AGBL1: variants seen among roughly 807,000 people sequenced by gnomAD.
The protein encoded by AGBL1 is AGBL carboxypeptidase 1.
Under a neutral mutation model 118.9 loss-of-function variants are expected in AGBL1, and 130 were observed. The observed-to-expected ratio is 1.09, with a 90% CI of 0.95 to 1.26. The LOEUF is 1.26. Among genes scored for constraint, AGBL1 ranks in the 50% most tolerant of loss-of-function variants. The pLI is 0.00. For synonymous variants in AGBL1, 555 were observed against 478.9 expected, an observed-to-expected ratio of 1.16 and a Z score of -2.08; for missense variants, 1,584 against 1,298.1, an observed-to-expected ratio of 1.22 and a Z score of -3.38.
intron 18 of AGBL1, among the ~76,000 whole-genome samples, chr15:86,412,893 T>C (rs186398492): frequency 1.3e-5 from 2 of 152,204 alleles, no homozygotes; most frequent in African/African-American, 4.8e-5. Flanking sequence ...TATCTTTTAA[T>C]TCTCACACAA....
intron 17 of AGBL1, among the ~76,000 whole-genome samples, chr15:86,346,967 G>A (rs894302006): frequency 2.6e-5 from 4 of 152,150 alleles, no homozygotes; most frequent in Admixed American, 6.5e-5. Flanking sequence ...CTGATGCTTC[G>A]TTTACACAAT....
chr15:86,427,188 G>T (rs184045236), intron 18 of AGBL1, among the ~76,000 whole-genome samples: 11 of 152,176 alleles, frequency 7.2e-5, no homozygotes, highest in Non-Finnish European at 1.5e-4. Flanking sequence ...CTGCATAAAA[G>T]TATTTTTTAT....
chr15:86,579,406 CTG>C (rs1370260795), intron 21 of AGBL1, among the ~76,000 whole-genome samples: 1 of 152,130 alleles, frequency 6.6e-6, no homozygotes, highest in African/African-American at 2.4e-5. Flanking sequence ...TGAATTATGA[CTG>C]TTAAAAACGT....
At chr15:86,987,979 C>T in intron 23 of AGBL1, 1 of 1,612,652 alleles carries the variant, frequency 6.2e-7, no homozygotes, top group Non-Finnish European at 8.5e-7. Context: ...TTTATCTGAA[C>T]ATTACAGATT....
At chr15:86,156,517 A>T (rs370168187) in intron 4 of AGBL1, among the ~76,000 whole-genome samples, 1 of 152,266 alleles carries the variant, frequency 6.6e-6, no homozygotes, top group South Asian at 2.1e-4. Context: ...TAGGGCTTCA[A>T]TGTATGAATT....
intron 21 of AGBL1, among the ~76,000 whole-genome samples, chr15:86,555,847 T>A (rs1017659053): frequency 6.6e-6 from 1 of 152,204 alleles, no homozygotes; most frequent in African/African-American, 2.4e-5. Context: ...GTGAATATAC[T>A]TGGAGGTTAT....
intron 6 of AGBL1, among the ~76,000 whole-genome samples, chr15:86,231,790 G>A (rs1463445128): frequency 2.0e-5 from 3 of 152,102 alleles, no homozygotes; most frequent in Non-Finnish European, 2.9e-5. Flanking sequence ...CTGAACCGAG[G>A]AAATTAATGA....
intron 22 of AGBL1, among the ~76,000 whole-genome samples, chr15:86,818,086 TTGTG>T (rs1403560224): frequency 6.6e-6 from 1 of 151,416 alleles, no homozygotes; most frequent in Non-Finnish European, 1.5e-5. Flanking sequence ...TAAGGCAAGT[TTGTG>T]TGTGCGTGTG....
intron 21 of AGBL1, among the ~76,000 whole-genome samples, chr15:86,567,911 A>T (rs1402275436): frequency 6.6e-6 from 1 of 152,054 alleles, no homozygotes; most frequent in Non-Finnish European, 1.5e-5. Context: ...TTACTGAGAG[A>T]CTGAGGCAGG....
chr15:86,159,677 CTATCATTTATG>C, intron 5 of AGBL1, among the ~76,000 whole-genome samples: 1 of 152,000 alleles, frequency 6.6e-6, no homozygotes, highest in Non-Finnish European at 1.5e-5. Flanking sequence ...CTATTAAGAT[CTATCATTTATG>C]GGAGTGACTC....
chr15:86,408,282 T>G (rs899656084), intron 18 of AGBL1, among the ~76,000 whole-genome samples: 1 of 152,030 alleles, frequency 6.6e-6, no homozygotes, highest in Non-Finnish European at 1.5e-5. Context: ...GATGGGGGAG[T>G]AAAATTCCCC....
intron 18 of AGBL1, among the ~76,000 whole-genome samples, chr15:86,471,814 C>A (rs2082483193): frequency 6.6e-6 from 1 of 152,036 alleles, no homozygotes; most frequent in South Asian, 2.1e-4. Flanking sequence ...GAATGGTGAC[C>A]TCCAAAAAGA....
intron 18 of AGBL1, among the ~76,000 whole-genome samples, chr15:86,449,804 G>A (rs760699536): frequency 9.9e-5 from 15 of 152,162 alleles, no homozygotes; most frequent in Admixed American, 2.0e-4. Context: ...GCCTGTGAGT[G>A]GAGTGACTGA....
At chr15:86,874,432 T>G (rs902150292) in intron 22 of AGBL1, among the ~76,000 whole-genome samples, 3 of 150,010 alleles carry the variant, frequency 2.0e-5, no homozygotes, top group African/African-American at 7.3e-5. Flanking sequence ...AACCTATGCA[T>G]AATAAATACT....
intron 22 of AGBL1, among the ~76,000 whole-genome samples, chr15:86,696,993 T>C (rs912389773): frequency 6.6e-6 from 1 of 151,920 alleles, no homozygotes. Flanking sequence ...TTTTTTTTAA[T>C]AGGTTACCTT....
chr15:86,481,089 A>G (rs928651100), intron 18 of AGBL1, among the ~76,000 whole-genome samples: 15 of 151,194 alleles, frequency 9.9e-5, no homozygotes, highest in African/African-American at 3.6e-4. Flanking sequence ...AATCTTTCCC[A>G]TGAAATGCAA....
intron 24 of AGBL1, among the ~76,000 whole-genome samples, chr15:87,001,241 C>G (rs183372782): frequency 6.6e-6 from 1 of 151,156 alleles, no homozygotes; most frequent in Non-Finnish European, 1.5e-5. Flanking sequence ...GCCTCATTGC[C>G]CTGGCCAGAA....
At chr15:86,209,750 G>A (rs1038753303) in intron 5 of AGBL1, among the ~76,000 whole-genome samples, 4 of 152,030 alleles carry the variant, frequency 2.6e-5, no homozygotes, top group African/African-American at 9.7e-5. Flanking sequence ...CACATTGATA[G>A]GTCTTGACTC....
At chr15:86,161,077 A>T (rs1210822131) in intron 5 of AGBL1, among the ~76,000 whole-genome samples, 1 of 152,224 alleles carries the variant, frequency 6.6e-6, no homozygotes, top group Non-Finnish European at 1.5e-5. Flanking sequence ...GTCAGAGGCA[A>T]GTGGGAAAGT....
Sources: gnomAD v4.1 joint callset for allele counts (sites outside exome capture counted in the v4.1 genomes callset) on GRCh38, gnomAD v4.1.1 for gene constraint, MANE v1.5 for transcripts, NCBI Gene and HGNC (gene_info 2026-07-23, HGNC 2026-07-21) for gene names.